Variants in TPPP observed in about 807,000 individuals in gnomAD.
The protein encoded by TPPP is tubulin polymerization promoting protein, also known as tubulin polymerization-promoting protein.
In TPPP, 6 loss-of-function variants were observed where a neutral mutation model predicts 15.5. The observed-to-expected ratio is 0.39, with a 90% CI of 0.21 to 0.77. TPPP has a LOEUF of 0.77. Among genes scored for constraint, TPPP ranks in the 30% least tolerant of loss-of-function variants. The pLI, the probability that TPPP is intolerant of heterozygous loss-of-function variation, is 0.42. For missense variants in TPPP, 269 were observed against 307.2 expected (o/e 0.88, Z 0.93); for synonymous variants, 146 against 133.9 (o/e 1.09, Z -0.63).
chr5:677,015 C>T (rs539994969), intron 2 of TPPP, among the ~76,000 whole-genome samples: 3 of 146,922 alleles, frequency 2.0e-5, no homozygotes, highest in East Asian at 2.0e-4. Context: ...CACGCAGAAA[C>T]GCGCACACGT....
At chr5:675,491 T>C (rs7705744) in intron 2 of TPPP, among the ~76,000 whole-genome samples, 1 of 29,258 alleles carries the variant, frequency 3.4e-5, no homozygotes, top group Non-Finnish European at 5.2e-5. Context: ...CAGGGGTACA[T>C]TGTGGCCGGG....
intron 2 of TPPP, among the ~76,000 whole-genome samples, chr5:671,319 C>T (rs547440919): frequency 4.6e-5 from 7 of 152,186 alleles, no homozygotes; most frequent in East Asian, 1.9e-4. Context: ...CTTGGTGGGA[C>T]GTGGACTTGG....
At position 673,567 on chromosome 5, in the gene TPPP, A is replaced by G. The variant is rs1740296983; in HGVS notation, c.311+4183T>C. On this transcript the variant is annotated intron_variant, in intron 2 of 3. Transcript: ENST00000360578. ...ACAATCTCCCACACGGCGCCCACTC[A>G]CGGTGCCCAGCCTGCCGACCAGGCT... Among the ~76,000 whole-genome samples, 3 of 152,082 alleles carry G rather than the reference A, an allele frequency of 2.0e-5. No individual in the cohort carries two copies. The South Asian group carries it at 6.2e-4, about 32-fold the overall frequency.
the TPPP span, among the ~76,000 whole-genome samples, chr5:700,651 C>A: frequency 1.3e-5 from 2 of 151,542 alleles, no homozygotes; most frequent in Non-Finnish European, 2.9e-5. Context: ...TTACCTGCAT[C>A]CCTGAATAAG....
intron 2 of TPPP, among the ~76,000 whole-genome samples, chr5:667,458 T>A (rs1032500521): frequency 6.6e-6 from 1 of 152,120 alleles, no homozygotes; most frequent in Non-Finnish European, 1.5e-5. Context: ...AAACTAAAAC[T>A]TCTAGAAGAA....
In TPPP at chr5:665,813, C is replaced by A. The variant is rs148227780; in HGVS notation, c.465+157G>T. The A allele has an allele frequency of 3.2e-4, 280 of 866,954 alleles. 1 individual carries two copies. In the African/African-American group the frequency reaches 4.4e-3, roughly 14 times the overall value. 53.7% of individuals were successfully genotyped at this position (866,954 alleles called of 1,614,324 possible). A position where few individuals can be genotyped will look rare whatever the true frequency, so the allele number is the denominator to read the frequency against. ...TGACCACACCTCCTCAGACCCCACA[C>A]CAGGCCACGCCCTCCTGACCACGCC... On this transcript the variant is annotated intron_variant, in intron 3 of 3. Transcript: ENST00000360578.
At chr5:693,743 G>A (rs1181604538), upstream of TPPP, among the ~76,000 whole-genome samples, 1 of 150,454 alleles carries the variant, frequency 6.6e-6, no homozygotes, top group Non-Finnish European at 1.5e-5. Flanking sequence ...GGATGGATGA[G>A]CGCGGCCGCG....
intron 1 of TPPP, among the ~76,000 whole-genome samples, chr5:684,233 T>A (rs1432518839): frequency 3.9e-5 from 6 of 152,186 alleles, no homozygotes; most frequent in East Asian, 1.9e-4. Context: ...GGACGCTGAC[T>A]GAGGGAGCGG....
At chr5:667,519 A>G (rs1739970373) in intron 2 of TPPP, among the ~76,000 whole-genome samples, 1 of 152,318 alleles carries the variant, frequency 6.6e-6, no homozygotes, top group African/African-American at 2.4e-5. Context: ...ATTTCTTAGA[A>G]ATGGCAACAA....
intron 2 of TPPP, among the ~76,000 whole-genome samples, 154 bp from the exon 3 acceptor site, chr5:666,277 G>T (rs1739909820): frequency 6.6e-6 from 1 of 152,144 alleles, no homozygotes; most frequent in Admixed American, 6.5e-5. Context: ...AATCCAAACT[G>T]TCTTGGAAGA....
At chr5:672,594 G>A (rs1049168854) in intron 2 of TPPP, among the ~76,000 whole-genome samples, 1 of 152,236 alleles carries the variant, frequency 6.6e-6, no homozygotes, top group East Asian at 1.9e-4. Flanking sequence ...GGCTGGTGGT[G>A]TTTGGTGCAG....
chr5:671,687 G>A (rs753575823), intron 2 of TPPP, among the ~76,000 whole-genome samples: 65 of 152,338 alleles, frequency 4.3e-4, no homozygotes, highest in Non-Finnish European at 5.6e-4. Flanking sequence ...AGCCACAGAC[G>A]TCCATGGCCA....
chr5:669,516 G>A (rs1251752443), intron 2 of TPPP, among the ~76,000 whole-genome samples: 1 of 152,162 alleles, frequency 6.6e-6, no homozygotes, highest in Non-Finnish European at 1.5e-5. Context: ...GGCCGTCAAA[G>A]GCTCTCCTGT....
chr5:675,117 G>A (rs1246247069), intron 2 of TPPP, among the ~76,000 whole-genome samples: 4 of 133,180 alleles, frequency 3.0e-5, no homozygotes, highest in Non-Finnish European at 4.9e-5. Flanking sequence ...GCAGCACGGG[G>A]GGTACAGTGT....
intron 1 of TPPP, among the ~76,000 whole-genome samples, chr5:685,562 A>C (rs1471222264): frequency 3.9e-5 from 6 of 152,174 alleles, no homozygotes; most frequent in African/African-American, 1.4e-4. Context: ...GGGGCAGGGG[A>C]GCAGGGGCTG....
At chr5:665,387 G>GTGCCCCAC in intron 3 of TPPP, 91 bp from the exon 4 acceptor site, 1 of 1,250,390 alleles carries the variant, frequency 8.0e-7, no homozygotes, top group South Asian at 1.4e-5. Flanking sequence ...AGGTCTCCCA[G>GTGCCCCAC]CGGTGGGGCA....
the TPPP span, among the ~76,000 whole-genome samples, chr5:698,595 G>C: frequency 2.6e-5 from 4 of 151,872 alleles, no homozygotes; most frequent in East Asian, 5.8e-4. Context: ...CAAGTGAAAG[G>C]GGTTTCCCCT....
intron 2 of TPPP, among the ~76,000 whole-genome samples, chr5:671,195 C>T (rs926898833): frequency 3.3e-5 from 5 of 149,976 alleles, no homozygotes; most frequent in East Asian, 2.0e-4. Flanking sequence ...GCACACCCTG[C>T]GCTTGCTGCT....
At chr5:665,828 C>T (rs1739878454) in intron 3 of TPPP, 142 bp downstream of exon 3, 1 of 1,003,772 alleles carries the variant, frequency 1.0e-6, no homozygotes, top group East Asian at 2.9e-5. Context: ...CCACGCCCTC[C>T]TGACCACGCC....
Sources: gnomAD v4.1 joint callset for allele counts (sites outside exome capture counted in the v4.1 genomes callset) on GRCh38, gnomAD v4.1.1 for gene constraint, MANE v1.5 for transcripts, NCBI Gene and HGNC (gene_info 2026-07-23, HGNC 2026-07-21) for gene names.